The following DGKH variants were observed in gnomAD, a reference collection of about 807,000 sequenced individuals.
The protein encoded by DGKH is diacylglycerol kinase eta, also known as DAG kinase eta.
In DGKH, 90 loss-of-function variants were observed where a neutral mutation model predicts 159.3. That is an observed-to-expected ratio of 0.57 (90% CI 0.48 to 0.67). The LOEUF (loss-of-function observed/expected upper bound fraction) is 0.67. Among genes scored for constraint, DGKH ranks in the 30% least tolerant of loss-of-function variants. DGKH has a pLI of 0.00. For missense variants in DGKH, 1,181 were observed against 1,506.1 expected, an observed-to-expected ratio of 0.78 and a Z score of 3.57; for synonymous variants, 536 against 553.8, an observed-to-expected ratio of 0.97 and a Z score of 0.45.
chr13:42,093,268 A>G (rs1681433894), intron 1 of DGKH, among the ~76,000 whole-genome samples: 1 of 151,996 alleles, frequency 6.6e-6, no homozygotes, highest in African/African-American at 2.4e-5. Flanking sequence ...AAGATGCTCA[A>G]CATCAGTAAT....
At chr13:42,225,578 G>C (rs1392635651) in intron 29 of DGKH, among the ~76,000 whole-genome samples, 2 of 152,038 alleles carry the variant, frequency 1.3e-5, no homozygotes, top group African/African-American at 4.8e-5. Context: ...TTCAAGACCA[G>C]CCTGACCAAC....
At chr13:42,102,317 A>G (rs1050208020) in intron 1 of DGKH, among the ~76,000 whole-genome samples, 44 of 152,386 alleles carry the variant, frequency 2.9e-4, no homozygotes, top group Admixed American at 2.0e-3. Context: ...ACTGGGAGCC[A>G]GCTGTGCTTT....
rs117288185 is a variant in DGKH, at chr13:42,197,653, G to A, written c.2168-825G>A. Among the ~76,000 whole-genome samples the A allele has an allele frequency of 1.8e-3, 270 of 152,260 alleles. 4 individuals carry two copies. The East Asian group carries it at 0.043, about 24-fold the overall frequency. On this transcript the variant is annotated intron_variant, in intron 17 of 29. Transcript: ENST00000337343. ...TGAACCCTGGGAGATGGAGGCTGCA[G>A]TGAGCTGTGATCACACCATTGCACT...
chr13:42,200,428 T>A, intron 20 of DGKH, among the ~76,000 whole-genome samples: 1 of 152,334 alleles, frequency 6.6e-6, no homozygotes, highest in East Asian at 1.9e-4. Flanking sequence ...GAAAAAGTTA[T>A]TTTATTTCTT....
chr13:42,124,251 A>G (rs929298918), intron 1 of DGKH, among the ~76,000 whole-genome samples: 3 of 152,086 alleles, frequency 2.0e-5, no homozygotes, highest in African/African-American at 7.2e-5. Flanking sequence ...TTGGTAACTG[A>G]CATGTAGCTA....
intron 3 of DGKH, among the ~76,000 whole-genome samples, chr13:42,148,374 C>A (rs901654602): frequency 3.3e-5 from 5 of 152,292 alleles, no homozygotes; most frequent in African/African-American, 1.2e-4. Flanking sequence ...CTCACGGTCA[C>A]TCCTCACAAT....
intron 1 of DGKH, among the ~76,000 whole-genome samples, chr13:42,097,407 G>C (rs1022844654): frequency 5.3e-5 from 8 of 152,130 alleles, no homozygotes; most frequent in Non-Finnish European, 1.2e-4. Flanking sequence ...TTGGTTCAGT[G>C]GGGGGACTTG....
At chr13:42,105,940 T>G (rs1328398970) in intron 1 of DGKH, among the ~76,000 whole-genome samples, 1 of 152,180 alleles carries the variant, frequency 6.6e-6, no homozygotes, top group African/African-American at 2.4e-5. Flanking sequence ...GTGAAAACAA[T>G]GTATTTCATA....
downstream of DGKH, among the ~76,000 whole-genome samples, chr13:42,244,515 A>G (rs1958561196): frequency 1.3e-5 from 2 of 152,226 alleles, no homozygotes. Flanking sequence ...CGCAGAGCCC[A>G]ATGCCAGCAT....
intron 1 of DGKH, among the ~76,000 whole-genome samples, chr13:42,094,953 G>A (rs1954493223): frequency 6.6e-6 from 1 of 152,020 alleles, no homozygotes; most frequent in Non-Finnish European, 1.5e-5. Flanking sequence ...CCTAACTATA[G>A]AAACCCTTGA....
At chr13:42,102,682 A>C (rs982125109) in intron 1 of DGKH, among the ~76,000 whole-genome samples, 1 of 152,226 alleles carries the variant, frequency 6.6e-6, no homozygotes, top group African/African-American at 2.4e-5. Context: ...GAGAGGAGAG[A>C]CAACTTTGAG....
intron 1 of DGKH, 121 bp from the exon 2 acceptor site, chr13:42,127,342 T>G: frequency 1.4e-6 from 1 of 739,120 alleles, no homozygotes; most frequent in South Asian, 1.8e-5. Flanking sequence ...TATTCTCCTG[T>G]AATTTGTAAG....
intron 7 of DGKH, among the ~76,000 whole-genome samples, chr13:42,163,539 T>A (rs1956243192): frequency 6.6e-6 from 1 of 152,200 alleles, no homozygotes; most frequent in African/African-American, 2.4e-5. Flanking sequence ...TCCTGACTTT[T>A]TAATGATTGC....
intron 1 of DGKH, among the ~76,000 whole-genome samples, chr13:42,064,228 T>C (rs1473146581): frequency 6.6e-6 from 1 of 152,218 alleles, no homozygotes; most frequent in East Asian, 1.9e-4. Flanking sequence ...GGTCGTCAGC[T>C]GAGAATCAAG....
intron 1 of DGKH, among the ~76,000 whole-genome samples, chr13:42,042,926 A>G (rs1486709052): frequency 6.6e-6 from 1 of 152,266 alleles, no homozygotes; most frequent in African/African-American, 2.4e-5. Context: ...AAAAAGTGGC[A>G]TATAAAGATA....
Position 42,256,363 on chromosome 13 carries a change from G to A in DGKH, n.4207G>A, listed in dbSNP as rs893194355. On this transcript the variant is annotated non_coding_transcript_exon_variant, in exon 31 of 31. Transcript: ENST00000498255. Reference sequence around the variant, plus strand: ...ACAAGCTGATGAATGAGTCTCAAATGTTGGTGACAGCTCTCAATCCTCGTA... The same window carrying A: ...ACAAGCTGATGAATGAGTCTCAAATATTGGTGACAGCTCTCAATCCTCGTA... The A allele has an allele frequency of 2.2e-5, 35 of 1,586,606 alleles. No homozygotes were observed. The African/African-American group carries it at 4.3e-4, about 19-fold the overall frequency.
chr13:42,095,824 T>C (rs1954520050), intron 1 of DGKH, among the ~76,000 whole-genome samples: 2 of 152,198 alleles, frequency 1.3e-5, no homozygotes, highest in Admixed American at 1.3e-4. Flanking sequence ...TGTTCACTAG[T>C]TGGGAAGTAA....
chr13:42,120,938 T>C (rs1955056083), intron 1 of DGKH, among the ~76,000 whole-genome samples: 1 of 152,082 alleles, frequency 6.6e-6, no homozygotes, highest in African/African-American at 2.4e-5. Flanking sequence ...AGAGGTTACT[T>C]TGCCCATTTT....
intron 1 of DGKH, among the ~76,000 whole-genome samples, chr13:42,041,737 C>A (rs1464490611): frequency 6.6e-6 from 1 of 152,136 alleles, no homozygotes; most frequent in African/African-American, 2.4e-5. Flanking sequence ...GCTGCCTTTT[C>A]CCTGGCGTCG....
Sources: gnomAD v4.1 joint callset for allele counts (sites outside exome capture counted in the v4.1 genomes callset) on GRCh38, gnomAD v4.1.1 for gene constraint, MANE v1.5 for transcripts, NCBI Gene and HGNC (gene_info 2026-07-23, HGNC 2026-07-21) for gene names.